CTNNA3: variants seen among roughly 807,000 people sequenced by gnomAD.
CTNNA3 encodes the protein catenin alpha 3.
CTNNA3 carries 76 observed loss-of-function variants against 95.7 expected under a neutral mutation model. That is an observed-to-expected ratio of 0.79 (90% CI 0.66 to 0.96). CTNNA3 has a LOEUF of 0.96. Among genes scored for constraint, CTNNA3 ranks in the 40% least tolerant of loss-of-function variants. CTNNA3 has a pLI of 0.00. For missense variants in CTNNA3, 1,191 were observed against 1,089.8 expected (o/e 1.09, Z -1.31); for synonymous variants, 431 against 374.4 (o/e 1.15, Z -1.74).
chr10:67,481,489 C>A (rs1474188186), intron 5 of CTNNA3, among the ~76,000 whole-genome samples: 3 of 152,108 alleles, frequency 2.0e-5, no homozygotes, highest in African/African-American at 7.2e-5. Flanking sequence ...CAATAATGTT[C>A]AAGCTGAGAG....
chr10:66,872,819 G>T (rs533294852), intron 7 of CTNNA3, among the ~76,000 whole-genome samples: 1 of 152,148 alleles, frequency 6.6e-6, no homozygotes, highest in Non-Finnish European at 1.5e-5. Context: ...GTCCCCATAG[G>T]TAGTTTTTCA....
chr10:67,741,874 G>A (rs1034556801), intron 1 of CTNNA3, among the ~76,000 whole-genome samples: 1 of 151,160 alleles, frequency 6.6e-6, no homozygotes, highest in Admixed American at 6.6e-5. Context: ...TGATAAAACA[G>A]ACTTTAAACC....
intron 2 of CTNNA3, among the ~76,000 whole-genome samples, chr10:67,617,264 T>A (rs1191147817): frequency 1.3e-5 from 2 of 152,164 alleles, no homozygotes; most frequent in Non-Finnish European, 2.9e-5. Flanking sequence ...CCCTCCACCC[T>A]CTTATAGGAC....
chr10:67,014,045 A>C (rs1852504077), intron 7 of CTNNA3, among the ~76,000 whole-genome samples: 1 of 152,064 alleles, frequency 6.6e-6, no homozygotes, highest in Admixed American at 6.5e-5. Flanking sequence ...CAAAAGGGGG[A>C]GTGTAAAAAA....
chr10:67,414,676 A>C (rs748419365), intron 5 of CTNNA3, among the ~76,000 whole-genome samples: 2 of 152,206 alleles, frequency 1.3e-5, no homozygotes, highest in Non-Finnish European at 2.9e-5. Context: ...CAGATGCAAA[A>C]ATCCTCAACA....
intron 9 of CTNNA3, among the ~76,000 whole-genome samples, chr10:66,628,934 G>A (rs1315499576): frequency 2.0e-5 from 3 of 152,018 alleles, no homozygotes; most frequent in Non-Finnish European, 2.9e-5. Context: ...TTTATTGATG[G>A]TAATTAGATA....
intron 5 of CTNNA3, among the ~76,000 whole-genome samples, chr10:67,282,510 T>G (rs1377334040): frequency 1.3e-5 from 2 of 152,244 alleles, no homozygotes; most frequent in Non-Finnish European, 2.9e-5. Flanking sequence ...AAACAATTGC[T>G]TAACCCATGG....
chr10:66,660,393 A>C (rs1846221796), intron 9 of CTNNA3, among the ~76,000 whole-genome samples: 2 of 152,132 alleles, frequency 1.3e-5, no homozygotes, highest in Non-Finnish European at 1.5e-5. Flanking sequence ...CCAACCTCTT[A>C]ACTTGTGATA....
chr10:66,746,369 A>G (rs1279522886), intron 9 of CTNNA3, among the ~76,000 whole-genome samples: 3 of 152,224 alleles, frequency 2.0e-5, no homozygotes, highest in South Asian at 4.1e-4. Context: ...ACTATCTTCT[A>G]ACAGTGTGAT....
At chr10:67,157,127 T>C (rs1030301437) in intron 7 of CTNNA3, among the ~76,000 whole-genome samples, 9 of 152,112 alleles carry the variant, frequency 5.9e-5, no homozygotes, top group African/African-American at 1.9e-4. Flanking sequence ...AAGAAATACA[T>C]AGCATCCAAA....
intron 7 of CTNNA3, among the ~76,000 whole-genome samples, chr10:66,883,971 C>A (rs1844939952): frequency 6.6e-6 from 1 of 151,998 alleles, no homozygotes. Context: ...AAGTTCAAGA[C>A]TGGGCATCTG....
At chr10:66,310,427 TAA>T (rs1303273992) in intron 12 of CTNNA3, among the ~76,000 whole-genome samples, 4 of 152,326 alleles carry the variant, frequency 2.6e-5, no homozygotes, top group African/African-American at 9.6e-5. Context: ...TTCTGTACCC[TAA>T]ACTATTTCTA....
chr10:67,434,289 A>G lies in CTNNA3; in HGVS notation c.579+87553T>C, dbSNP rs375025446. ...TCAATGTCCTCATTTGAAGTTGGCA[A>G]TAATAGTATCTATCTTGTAAGGTTG... On this transcript the variant is annotated intron_variant, in intron 5 of 17. Coordinates refer to ENST00000433211, the MANE Select transcript of CTNNA3 (RefSeq NM_013266.4). Among the ~76,000 whole-genome samples the G allele has an allele frequency of 3.3e-5, 5 of 152,124 alleles. No homozygotes were observed. In the South Asian group the frequency reaches 8.3e-4, roughly 25 times the overall value.
intron 7 of CTNNA3, among the ~76,000 whole-genome samples, chr10:67,176,494 A>G (rs1862249375): frequency 3.3e-5 from 5 of 152,216 alleles, no homozygotes; most frequent in South Asian, 2.1e-4. Flanking sequence ...GATGCTGTCT[A>G]TAATGGATTC....
At chr10:66,781,728 T>C (rs1401916608) in intron 7 of CTNNA3, among the ~76,000 whole-genome samples, 3 of 152,152 alleles carry the variant, frequency 2.0e-5, no homozygotes, top group Non-Finnish European at 2.9e-5. Context: ...GCCATCCCCA[T>C]GTAGATGCCT....
rs201966934 is a variant in CTNNA3, at chr10:66,775,475, A to G, written c.1097T>C (p.Met366Thr). Reference sequence around the variant, plus strand: ...GCGAAGGTCTCTTGTCTTCTTACACATGTTGTCTAAAGCAATATTCAGGGT... The same window carrying G: ...GCGAAGGTCTCTTGTCTTCTTACACGTGTTGTCTAAAGCAATATTCAGGGT... ...SNTLNIALDN[M>T]CKKTRDLRRQ... Residue 366 changes from methionine (M) to threonine (T), a missense_variant, in exon 8 of 18, where the codon ATG becomes ACG. By Grantham distance (81) the Met-to-Thr change is moderately conservative (BLOSUM62 -1). Transcript: ENST00000433211. 1.9e-6 allele frequency: 3 copies of G among 1,611,102 alleles called. No homozygotes were observed. Among genetic ancestry groups the G allele is most frequent in the Non-Finnish European group, 2.5e-6 (3 of 1,178,608 alleles).
chr10:67,525,031 A>C (rs1564714922), intron 4 of CTNNA3, among the ~76,000 whole-genome samples: 1 of 152,172 alleles, frequency 6.6e-6, no homozygotes, highest in Non-Finnish European at 1.5e-5. Flanking sequence ...CAAGTTGGGG[A>C]AAGGAAGCAC....
intron 13 of CTNNA3, among the ~76,000 whole-genome samples, chr10:66,272,426 G>T (rs931079466): frequency 8.5e-5 from 13 of 152,260 alleles, no homozygotes; most frequent in Admixed American, 8.5e-4. Context: ...TATCAGAAAA[G>T]CATGAAGGGG....
intron 12 of CTNNA3, among the ~76,000 whole-genome samples, chr10:66,289,015 C>A (rs1179915824): frequency 6.6e-6 from 1 of 152,008 alleles, no homozygotes. Flanking sequence ...TAGATTATCT[C>A]TTTGCCATAT....
Sources: gnomAD v4.1 joint callset for allele counts (sites outside exome capture counted in the v4.1 genomes callset) on GRCh38, gnomAD v4.1.1 for gene constraint, MANE v1.5 for transcripts, NCBI Gene and HGNC (gene_info 2026-07-23, HGNC 2026-07-21) for gene names.